Variants in HIPK1 observed in about 807,000 individuals in gnomAD.
The protein encoded by HIPK1 is homeodomain interacting protein kinase 1.
HIPK1 carries 28 observed loss-of-function variants against 117.1 expected under a neutral mutation model. The ratio of observed to expected loss-of-function variants is 0.24; its 90% CI spans 0.18 to 0.33. HIPK1 has a LOEUF of 0.33. Among genes scored for constraint, HIPK1 ranks in the 10% least tolerant of loss-of-function variants. The pLI is 1.00. For missense variants in HIPK1, 1,122 were observed against 1,475.1 expected, an observed-to-expected ratio of 0.76 and a Z score of 3.92; for synonymous variants, 605 against 562.5, an observed-to-expected ratio of 1.08 and a Z score of -1.07.
Position 113,973,177 on chromosome 1 carries a change from C to G in HIPK1, c.3298C>G (p.Pro1100Ala). 1 of 1,610,888 alleles carries G rather than the reference C, an allele frequency of 6.2e-7. No individual in the cohort carries two copies. The highest frequency in any genetic ancestry group is 8.5e-7 in the Non-Finnish European group (1 of 1,178,318). Residue 1100 changes from proline to alanine, a missense_variant, in exon 16 of 16, where the codon CCG becomes GCG. Pro to Ala is a conservative substitution (Grantham distance 27). Around this residue, in one of 6 missense-constraint regions of HIPK1, gnomAD observed 731 missense variants for 860.4 expected, o/e 0.85. Coordinates refer to ENST00000426820, the MANE Select transcript of HIPK1 (RefSeq NM_198268.3). ...CTCGACAGGGCACCCACACCTTGCC[C>G]CGGCCCCTGCTCACCTGCCAAGCCA... Reference protein sequence around the residue: ...LHSTGHPHLAPAPAHLPSQAH... With the variant: ...LHSTGHPHLAAAPAHLPSQAH...
chr1:113,962,767 G>A (rs1481891242), intron 9 of HIPK1, among the ~76,000 whole-genome samples: 3 of 151,984 alleles, frequency 2.0e-5, no homozygotes, highest in Non-Finnish European at 4.4e-5. Flanking sequence ...ATAAAGATAA[G>A]TATATATGTA....
intron 8 of HIPK1, among the ~76,000 whole-genome samples, chr1:113,961,934 C>T (rs1672143444): frequency 4.5e-5 from 5 of 111,532 alleles, no homozygotes; most frequent in Admixed American, 3.4e-4. Flanking sequence ...CAGAGCGAGA[C>T]TCCATCTCAA....
chr1:113,940,240 A>AAG, intron 1 of HIPK1, 142 bp from the exon 2 acceptor site: 1 of 778,820 alleles, frequency 1.3e-6, no homozygotes, highest in Non-Finnish European at 2.0e-6. Context: ...GTCAAGATTG[A>AAG]ATTAGTTTTT....
chr1:113,968,833 C>A (rs1672632546), intron 13 of HIPK1, among the ~76,000 whole-genome samples, 185 bp downstream of exon 13: 1 of 152,182 alleles, frequency 6.6e-6, no homozygotes, highest in South Asian at 2.1e-4. Flanking sequence ...CCAGCCTGGC[C>A]AACATGGCAC....
chr1:113,959,234 G>A (rs191861806), intron 8 of HIPK1, among the ~76,000 whole-genome samples: 130 of 151,922 alleles, frequency 8.6e-4, no homozygotes, highest in Middle Eastern at 3.4e-3. Flanking sequence ...CTTATTGACC[G>A]TGACTCTCTT....
At position 113,958,137 on chromosome 1, in the gene HIPK1, A is replaced by G. The variant is rs190763231; in HGVS notation, c.1827A>G (p.Leu609=). The G allele has an allele frequency of 1.1e-5, 18 of 1,614,012 alleles. No individual in the cohort carries two copies. The highest frequency in any genetic ancestry group is 1.3e-5 in the African/African-American group (1 of 74,924). ...TLSLANSDVS[L]LNYQSALYPS... ...CTCTGGCTAATTCAGATGTCTCACT[A>G]CTAAACTACCAGTCAGCTTTGTACC... The change falls in exon 8 of 16, where the codon CTA becomes CTG. Residue 609 remains leucine, a synonymous_variant. Coordinates refer to ENST00000426820, the MANE Select transcript of HIPK1 (RefSeq NM_198268.3).
chr1:113,938,737 A>G (rs1476731668), intron 1 of HIPK1, among the ~76,000 whole-genome samples: 2 of 151,820 alleles, frequency 1.3e-5, no homozygotes, highest in African/African-American at 4.8e-5. Context: ...GTGAAAACCC[A>G]TCTCTACTAA....
chr1:113,955,660 A>C lies in HIPK1; in HGVS notation c.1407+11A>C. The stretch of plus-strand genomic sequence containing the variant: ...GATGACATGGCTCAGGTGAGTACGG[A>C]AAGTTTCAGAAAGTCAGACATTTAT... On this transcript the variant is annotated intron_variant, in intron 5 of 15. Coordinates refer to ENST00000426820, the MANE Select transcript of HIPK1 (RefSeq NM_198268.3). 7.1e-7 allele frequency: 1 copy of C among 1,410,468 alleles called. No homozygotes were observed. The highest frequency in any genetic ancestry group is 9.9e-7 in the Non-Finnish European group (1 of 1,007,208). 87.4% of individuals were successfully genotyped at this position (1,410,468 alleles called of 1,614,324 possible). A position where few individuals can be genotyped will look rare whatever the true frequency, so the allele number is the denominator to read the frequency against.
chr1:113,976,158 C>T lies in HIPK1; in HGVS notation c.*2646C>T, dbSNP rs952201407. On this transcript the variant is annotated 3_prime_UTR_variant, in exon 16 of 16. Transcript: ENST00000426820. ...GGCTTCCAAGATGGGGCAGGTAGTC[C>T]GTACAGCCTACCAGGAACATGTTGT... 2.0e-5 allele frequency: 3 copies of T among 152,658 alleles called. No individual in the cohort carries two copies. The highest frequency in any genetic ancestry group is 2.9e-5 in the Non-Finnish European group (2 of 68,040). The allele number at this position is 152,658 out of a possible 1,614,324, so 9.5% of individuals were successfully genotyped here.
intron 2 of HIPK1, among the ~76,000 whole-genome samples, chr1:113,949,251 A>G (rs990129288): frequency 1.3e-5 from 2 of 152,190 alleles, no homozygotes; most frequent in Non-Finnish European, 1.5e-5. Context: ...CAAAATCAAT[A>G]TGCTGCCCTC....
In HIPK1 at chr1:113,939,379, C is replaced by T. The variant is rs77600813; in HGVS notation, c.-2-1003C>T. On this transcript the variant is annotated intron_variant, in intron 1 of 15. Coordinates refer to ENST00000426820, the MANE Select transcript of HIPK1 (RefSeq NM_198268.3). The stretch of plus-strand genomic sequence containing the variant: ...TGTTTGTTTGTTTTAGAGACGGTTT[C>T]ACCATGTTGCCCAGGCTGGAGCTCC... 1.1e-3 allele frequency among the ~76,000 whole-genome samples: 158 copies of T among 147,590 alleles called. 1 individual carries two copies. The East Asian group carries it at 0.026, about 25-fold the overall frequency.
intron 11 of HIPK1, among the ~76,000 whole-genome samples, chr1:113,967,001 G>A (rs1672496740): frequency 6.6e-6 from 1 of 152,074 alleles, no homozygotes; most frequent in African/African-American, 2.4e-5. Flanking sequence ...GTCTTTCTGT[G>A]TCTGGCTTAT....
intron 5 of HIPK1, among the ~76,000 whole-genome samples, chr1:113,956,407 T>C (rs1671728546): frequency 6.6e-6 from 1 of 152,142 alleles, no homozygotes; most frequent in Admixed American, 6.5e-5. Flanking sequence ...AGAAATTGTT[T>C]AGCTTTCTTC....
At chr1:113,970,585 G>C (rs984324613) in intron 14 of HIPK1, among the ~76,000 whole-genome samples, 5 of 152,168 alleles carry the variant, frequency 3.3e-5, no homozygotes, top group Admixed American at 2.0e-4. Context: ...AAGTGTTTTG[G>C]AAAACAGTTA....
intron 3 of HIPK1, among the ~76,000 whole-genome samples, chr1:113,954,232 GGATTACAGGTGT>G (rs1671561008): frequency 6.6e-6 from 1 of 152,008 alleles, no homozygotes; most frequent in African/African-American, 2.4e-5. Context: ...CAAAGTACTG[GGATTACAGGTGT>G]GAGCCACCAT....
rs1673049756 is a variant in HIPK1 at position 113,974,723 on chromosome 1, T to C, written c.*1211T>C. 6.6e-6 allele frequency: 1 copy of C among 152,624 alleles called. No homozygotes were observed. The highest frequency in any genetic ancestry group is 1.9e-4 in the East Asian group (1 of 5,202). The allele number at this position is 152,624 out of a possible 1,614,324, so 9.5% of individuals were successfully genotyped here. ...AAAAATTTATTACTGAATTTAAAAA[T>C]ATTTTAGAAGTTTTGTAATGGTGGT... On this transcript the variant is annotated 3_prime_UTR_variant, in exon 16 of 16. Transcript: ENST00000426820.
At chr1:113,932,485 T>C (rs1669964850) in intron 1 of HIPK1, among the ~76,000 whole-genome samples, 1 of 146,432 alleles carries the variant, frequency 6.8e-6, no homozygotes, top group African/African-American at 2.5e-5. Flanking sequence ...TTCTCATACC[T>C]CTGCCTCCTA....
Position 113,973,211 on chromosome 1 carries a change from T to G in HIPK1, c.3332T>G (p.Leu1111Arg). 6.2e-7 allele frequency: 1 copy of G among 1,613,828 alleles called. No individual in the cohort carries two copies. The highest frequency in any genetic ancestry group is 8.5e-7 in the Non-Finnish European group (1 of 1,179,854). The part of the protein sequence containing the change: ...APAHLPSQAH[L>R]YTYAAPTSAA... Reference sequence around the variant, plus strand: ...GCTCACCTGCCAAGCCAGGCTCATCTGTATACGTATGCTGCCCCGACTTCT... The same window carrying G: ...GCTCACCTGCCAAGCCAGGCTCATCGGTATACGTATGCTGCCCCGACTTCT... The change falls in exon 16 of 16, where the codon CTG becomes CGG. Residue 1111 changes from leucine to arginine, a missense_variant. Coordinates refer to ENST00000426820, the MANE Select transcript of HIPK1 (RefSeq NM_198268.3).
chr1:113,933,145 C>G lies in HIPK1; in HGVS notation c.-3+3613C>G, dbSNP rs1022256077. On this transcript the variant is annotated intron_variant, in intron 1 of 15. Transcript: ENST00000426820. ...CTTTTGTTCTGTTGCCGTAGTCATT[C>G]CAAATAAATCTAAGTGAACTATTGA... The G allele has an allele frequency of 3.1e-6, 3 of 983,508 alleles. No individual in the cohort carries two copies. In the African/African-American group the frequency reaches 5.2e-5, roughly 17 times the overall value. The allele number at this position is 983,508 out of a possible 1,614,324, so 60.9% of individuals were successfully genotyped here.
Sources: allele counts gnomAD v4.1 joint callset (sites outside exome capture counted in the v4.1 genomes callset), GRCh38; gene constraint gnomAD v4.1.1; regional missense constraint gnomAD v4.1.1; transcripts MANE v1.5; gene names NCBI Gene and HGNC (gene_info 2026-07-23, HGNC 2026-07-21).